The following SPECC1 variants were observed in gnomAD, a reference collection of about 807,000 sequenced individuals.
SPECC1 encodes sperm antigen with calponin homology and coiled-coil domains 1.
In SPECC1, 62 loss-of-function variants were observed where a neutral mutation model predicts 104.1. The ratio of observed to expected loss-of-function variants is 0.60; its 90% CI spans 0.49 to 0.74. The LOEUF (loss-of-function observed/expected upper bound fraction) is 0.74. Among genes scored for constraint, SPECC1 ranks in the 30% least tolerant of loss-of-function variants. SPECC1 has a pLI of 0.00. For synonymous variants in SPECC1, 513 were observed against 501.6 expected, an observed-to-expected ratio of 1.02 and a Z score of -0.30; for missense variants, 1,306 against 1,310.5, an observed-to-expected ratio of 1.00 and a Z score of 0.05.
chr17:20,184,388 G>T (rs1006476233), intron 3 of SPECC1, among the ~76,000 whole-genome samples: 1 of 152,126 alleles, frequency 6.6e-6, no homozygotes, highest in Admixed American at 6.5e-5. Flanking sequence ...CAGAGAGAAT[G>T]TATTCTTGGA....
intron 1 of SPECC1, among the ~76,000 whole-genome samples, chr17:20,026,229 G>A (rs949410888): frequency 4.0e-5 from 6 of 151,438 alleles, no homozygotes; most frequent in African/African-American, 1.5e-4. Context: ...TATTTATGAG[G>A]TACAGAGTGA....
intron 3 of SPECC1, among the ~76,000 whole-genome samples, chr17:20,181,144 T>C (rs1015444487): frequency 1.3e-5 from 2 of 152,020 alleles, no homozygotes; most frequent in African/African-American, 2.4e-5. Context: ...CCTTTTGATA[T>C]CAAAATTTGT....
At chr17:20,078,244 G>T (rs1236844843) in intron 1 of SPECC1, among the ~76,000 whole-genome samples, 4 of 151,174 alleles carry the variant, frequency 2.6e-5, no homozygotes, top group Non-Finnish European at 4.4e-5. Context: ...CAAAAAACTT[G>T]GTACATTGAA....
chr17:20,158,610 C>T (rs1008982721), intron 3 of SPECC1, among the ~76,000 whole-genome samples: 39 of 152,350 alleles, frequency 2.6e-4, no homozygotes, highest in African/African-American at 9.1e-4. Flanking sequence ...CCTAGTCTTT[C>T]TGTGGGTCAG....
At chr17:20,275,383 TAGTG>T (rs1300202315) in intron 12 of SPECC1, among the ~76,000 whole-genome samples, 1 of 152,208 alleles carries the variant, frequency 6.6e-6, no homozygotes, top group African/African-American at 2.4e-5. Context: ...GTTATGATGT[TAGTG>T]AGCTCTAAAA....
At chr17:20,277,380 A>G (rs2040607543) in intron 12 of SPECC1, among the ~76,000 whole-genome samples, 2 of 152,172 alleles carry the variant, frequency 1.3e-5, no homozygotes. Flanking sequence ...TGCTTAAAGT[A>G]CTTTTTAAAC....
At chr17:20,220,405 A>G (rs183376357) in intron 4 of SPECC1, among the ~76,000 whole-genome samples, 1 of 152,080 alleles carries the variant, frequency 6.6e-6, no homozygotes, top group East Asian at 1.9e-4. Flanking sequence ...GATTAAGTTT[A>G]TTCCTACTTT....
intron 1 of SPECC1, among the ~76,000 whole-genome samples, chr17:20,041,620 C>CTTTTTTTTT (rs35255510): frequency 1.2e-4 from 6 of 51,208 alleles, no homozygotes; most frequent in East Asian, 5.4e-4. Context: ...TTTGTTGAGG[C>CTTTTTTTTT]TTTTTTTTTT....
At position 20,223,143 on chromosome 17, in the gene SPECC1, ACCT is replaced by A. The variant is rs2037993242; in HGVS notation, c.1864-4265_1864-4263del. On this transcript the variant is annotated intron_variant, in intron 4 of 14. Transcript: ENST00000395527. ...ACTTTCTACCCCAATCTCTCTCTCT[ACCT>A]CCTCTTTAAAGCCAATAACTTACTA... Among the ~76,000 whole-genome samples, 3 of 147,970 alleles carry A rather than the reference ACCT, an allele frequency of 2.0e-5. No individual in the cohort carries two copies. The East Asian group carries it at 5.9e-4, about 29-fold the overall frequency.
chr17:20,099,757 A>T (rs2047851940), intron 2 of SPECC1, among the ~76,000 whole-genome samples: 1 of 151,266 alleles, frequency 6.6e-6, no homozygotes, highest in Admixed American at 6.6e-5. Context: ...GAAGAAGCAT[A>T]GGAATGTTTC....
At chr17:20,296,833 G>A (rs1376209737) in intron 12 of SPECC1, 128 bp from the exon 13 acceptor site, 2 of 792,942 alleles carry the variant, frequency 2.5e-6, no homozygotes, top group African/African-American at 3.4e-5. Flanking sequence ...TGTTATTGGT[G>A]TATAGGAATG....
At chr17:20,160,991 A>G (rs1485280364) in intron 3 of SPECC1, among the ~76,000 whole-genome samples, 6 of 152,198 alleles carry the variant, frequency 3.9e-5, no homozygotes, top group African/African-American at 7.2e-5. Flanking sequence ...CCACTTTGCT[A>G]TATGAAAATT....
At chr17:20,194,697 G>T (rs2035912739) in intron 3 of SPECC1, among the ~76,000 whole-genome samples, 1 of 151,348 alleles carries the variant, frequency 6.6e-6, no homozygotes, top group Non-Finnish European at 1.5e-5. Flanking sequence ...GTAGAGATGG[G>T]GTTTCACCAT....
intron 1 of SPECC1, among the ~76,000 whole-genome samples, chr17:20,041,472 C>A (rs1225699789): frequency 6.6e-6 from 1 of 151,882 alleles, no homozygotes; most frequent in Non-Finnish European, 1.5e-5. Flanking sequence ...AAACTCCTGA[C>A]CTCAGGTGAT....
chr17:20,237,092 A>G (rs1023933858), intron 7 of SPECC1: 5 of 1,415,230 alleles, frequency 3.5e-6, no homozygotes, highest in Middle Eastern at 2.6e-4. Context: ...TGCATGATCA[A>G]AGATGATGTT....
intron 1 of SPECC1, among the ~76,000 whole-genome samples, chr17:20,072,862 G>T (rs2046611128): frequency 6.6e-6 from 1 of 152,158 alleles, no homozygotes; most frequent in South Asian, 2.1e-4. Flanking sequence ...GGTGCCTGTG[G>T]ATATAACACA....
At chr17:20,241,638 A>T (rs1425119890) in intron 7 of SPECC1, among the ~76,000 whole-genome samples, 1 of 152,140 alleles carries the variant, frequency 6.6e-6, no homozygotes, top group Non-Finnish European at 1.5e-5. Context: ...TTTGATTCTT[A>T]TTGTTGGGAT....
chr17:20,086,250 AT>A (rs67165656), intron 1 of SPECC1, among the ~76,000 whole-genome samples: 75,516 of 151,904 alleles, frequency 0.5, 19,330 homozygotes, highest in Middle Eastern at 0.6. Context: ...AGGCCTCAGA[AT>A]TTTCCTGGGG....
chr17:20,266,455 G>A lies in SPECC1; in HGVS notation c.2940+6161G>A, dbSNP rs574080778. On this transcript the variant is annotated intron_variant, in intron 12 of 14. Coordinates refer to ENST00000395527, the MANE Select transcript of SPECC1 (RefSeq NM_001243439.2). Reference sequence around the variant, plus strand: ...AAAAATTAGCCGGGCGTGGTGGCACGCACCTGTGGTCCCAGCTGCTCGGGA... The same window carrying A: ...AAAAATTAGCCGGGCGTGGTGGCACACACCTGTGGTCCCAGCTGCTCGGGA... Among the ~76,000 whole-genome samples, 7 of 152,284 alleles carry A rather than the reference G, an allele frequency of 4.6e-5. No individual in the cohort carries two copies. In the South Asian group the frequency reaches 1.0e-3, roughly 23 times the overall value.
Sources: gnomAD v4.1 joint callset for allele counts (sites outside exome capture counted in the v4.1 genomes callset) on GRCh38, gnomAD v4.1.1 for gene constraint, MANE v1.5 for transcripts, NCBI Gene and HGNC (gene_info 2026-07-23, HGNC 2026-07-21) for gene names.